Variants in PHACTR1 observed in about 807,000 individuals in gnomAD.
PHACTR1 encodes the protein phosphatase and actin regulator 1.
In PHACTR1, 16 loss-of-function variants were observed where a neutral mutation model predicts 69.2. The observed-to-expected ratio is 0.23, with a 90% CI of 0.16 to 0.35. The LOEUF (loss-of-function observed/expected upper bound fraction) is 0.35. Ranked by LOEUF, PHACTR1 falls within the 10% of genes least tolerant of loss-of-function variation. PHACTR1 has a pLI of 1.00. For synonymous variants in PHACTR1, 312 were observed against 284.5 expected, an observed-to-expected ratio of 1.10 and a Z score of -0.97; for missense variants, 510 against 734.7, an observed-to-expected ratio of 0.69 and a Z score of 3.54.
chr6:12,928,727 A>G (rs1372496752), intron 4 of PHACTR1, among the ~76,000 whole-genome samples: 1 of 151,676 alleles, frequency 6.6e-6, no homozygotes, highest in Non-Finnish European at 1.5e-5. Context: ...CTCTACTCAT[A>G]TTCTCAAAGG....
chr6:12,738,937 TA>T (rs1764679606), intron 3 of PHACTR1, among the ~76,000 whole-genome samples: 1 of 152,204 alleles, frequency 6.6e-6, no homozygotes, highest in African/African-American at 2.4e-5. Context: ...TTATGTTTTT[TA>T]AACCAGTTTT....
chr6:12,725,786 C>T (rs545035626), intron 3 of PHACTR1, among the ~76,000 whole-genome samples: 1 of 152,228 alleles, frequency 6.6e-6, no homozygotes, highest in Non-Finnish European at 1.5e-5. Context: ...TAATATCATC[C>T]TTCTTATACA....
intron 4 of PHACTR1, among the ~76,000 whole-genome samples, chr6:13,018,821 C>T (rs1490849431): frequency 2.6e-5 from 4 of 152,074 alleles, no homozygotes; most frequent in African/African-American, 9.7e-5. Flanking sequence ...CCAAAGATGG[C>T]ACAGGGTTTT....
rs57794726 is a variant in PHACTR1 at position 13,270,811 on chromosome 6, T to C, written c.1392-2049T>C. Among the ~76,000 whole-genome samples the C allele has an allele frequency of 1.1e-3, 163 of 152,214 alleles. 1 individual carries two copies. Among genetic ancestry groups the C allele is most frequent in the African/African-American group, 3.5e-3 (145 of 41,528 alleles). On this transcript the variant is annotated intron_variant, in intron 10 of 14. Transcript: ENST00000332995. ...GGAATACCTGAGACTGTGTAATTTA[T>C]AAATAAAAGAGGTTTAATTGGCTCA...
chr6:12,939,770 C>T (rs1037125722), intron 4 of PHACTR1, among the ~76,000 whole-genome samples: 4 of 152,088 alleles, frequency 2.6e-5, no homozygotes, highest in Non-Finnish European at 5.9e-5. Context: ...TCCAGGTTTT[C>T]TGACATCCAG....
intron 4 of PHACTR1, among the ~76,000 whole-genome samples, chr6:13,012,132 A>G (rs1799520451): frequency 6.6e-6 from 1 of 152,234 alleles, no homozygotes; most frequent in African/African-American, 2.4e-5. Flanking sequence ...TGGCAGCTGG[A>G]CACCTGACTT....
chr6:13,228,597 T>C (rs1047176457), intron 9 of PHACTR1, among the ~76,000 whole-genome samples: 1 of 152,244 alleles, frequency 6.6e-6, no homozygotes, highest in African/African-American at 2.4e-5. Flanking sequence ...AAATAAATTT[T>C]AGTTACGTGA....
At chr6:12,847,730 A>C (rs1294814842) in intron 4 of PHACTR1, among the ~76,000 whole-genome samples, 4 of 152,128 alleles carry the variant, frequency 2.6e-5, no homozygotes, top group South Asian at 2.1e-4. Flanking sequence ...CATGGTAATA[A>C]ACTATTTAAA....
intron 10 of PHACTR1, chr6:13,265,102 G>C (rs1223393): frequency 0.84 from 128,246 of 152,030 alleles, 54,567 homozygotes; most frequent in Middle Eastern, 0.89. Flanking sequence ...TCTCTCACCC[G>C]CTTCAAAGCC....
intron 4 of PHACTR1, among the ~76,000 whole-genome samples, chr6:12,850,348 G>A (rs1222574732): frequency 1.3e-5 from 2 of 152,318 alleles, no homozygotes; most frequent in Middle Eastern, 3.4e-3. Context: ...TCAGGCCCGC[G>A]TGCAGATGCA....
chr6:12,841,949 A>G (rs1374361102), intron 4 of PHACTR1, among the ~76,000 whole-genome samples: 1 of 152,192 alleles, frequency 6.6e-6, no homozygotes, highest in African/African-American at 2.4e-5. Context: ...AAGGCCCTTT[A>G]GAATCTTTTG....
chr6:12,851,197 A>C (rs962435812), intron 4 of PHACTR1, among the ~76,000 whole-genome samples: 1 of 152,250 alleles, frequency 6.6e-6, no homozygotes, highest in Non-Finnish European at 1.5e-5. Context: ...CTGATCAACA[A>C]GAATTGTACC....
chr6:12,844,923 T>C (rs1227584171), intron 4 of PHACTR1, among the ~76,000 whole-genome samples: 1 of 152,016 alleles, frequency 6.6e-6, no homozygotes, highest in East Asian at 1.9e-4. Flanking sequence ...AAAACATAAA[T>C]ACTTGAGCAG....
intron 4 of PHACTR1, among the ~76,000 whole-genome samples, chr6:13,039,249 G>A (rs1326644971): frequency 6.6e-6 from 1 of 152,182 alleles, no homozygotes; most frequent in African/African-American, 2.4e-5. Flanking sequence ...GCAAGTGTTT[G>A]ATAAATGATA....
At chr6:12,788,203 C>G (rs1027833006) in intron 4 of PHACTR1, among the ~76,000 whole-genome samples, 1 of 151,234 alleles carries the variant, frequency 6.6e-6, no homozygotes, top group Non-Finnish European at 1.5e-5. Flanking sequence ...AACTGAGCAC[C>G]ACAGACCCAC....
chr6:13,248,699 T>C (rs1273521941), intron 10 of PHACTR1, among the ~76,000 whole-genome samples: 1 of 152,068 alleles, frequency 6.6e-6, no homozygotes, highest in Non-Finnish European at 1.5e-5. Context: ...CAATAACTCA[T>C]ATTGGGAGAA....
chr6:13,271,943 T>A (rs971365535), intron 10 of PHACTR1, among the ~76,000 whole-genome samples: 1 of 152,218 alleles, frequency 6.6e-6, no homozygotes, highest in Non-Finnish European at 1.5e-5. Flanking sequence ...TAGATCCCAA[T>A]AGAGGAGTCT....
intron 4 of PHACTR1, among the ~76,000 whole-genome samples, chr6:13,042,627 G>A (rs1172409419): frequency 1.3e-5 from 2 of 152,194 alleles, no homozygotes; most frequent in African/African-American, 4.8e-5. Flanking sequence ...CAGCACAGTT[G>A]AGAGCCTCCA....
chr6:12,901,374 G>A (rs1225637559), intron 4 of PHACTR1, among the ~76,000 whole-genome samples: 1 of 152,146 alleles, frequency 6.6e-6, no homozygotes, highest in Admixed American at 6.5e-5. Flanking sequence ...AGATGGTAAT[G>A]TGATCCAAAA....
Sources: allele counts gnomAD v4.1 joint callset (sites outside exome capture counted in the v4.1 genomes callset), GRCh38; gene constraint gnomAD v4.1.1; transcripts MANE v1.5; gene names NCBI Gene and HGNC (gene_info 2026-07-23, HGNC 2026-07-21).